Variants in KCNQ5 observed in about 807,000 individuals in gnomAD.
KCNQ5 encodes the protein potassium voltage-gated channel subfamily KQT member 5.
A neutral mutation model predicts 98.2 loss-of-function variants in KCNQ5; 30 were observed. The ratio of observed to expected loss-of-function variants is 0.31; its 90% CI spans 0.23 to 0.41. The LOEUF is 0.41. Ranked by LOEUF, KCNQ5 falls within the 10% of genes least tolerant of loss-of-function variation. The probability of loss-of-function intolerance (pLI) is 1.00; values close to 1 mark genes in which losing one functional copy is unlikely to be tolerated. For synonymous variants in KCNQ5, 458 were observed against 449.4 expected, an observed-to-expected ratio of 1.02 and a Z score of -0.24; for missense variants, 835 against 1,182.5, an observed-to-expected ratio of 0.71 and a Z score of 4.31.
intron 1 of KCNQ5, among the ~76,000 whole-genome samples, chr6:72,774,061 TG>T (rs1773045840): frequency 6.6e-6 from 1 of 151,744 alleles, no homozygotes; most frequent in Non-Finnish European, 1.5e-5. Context: ...GATAGCCTTA[TG>T]GAAAAAAAAA....
At chr6:72,953,668 C>T (rs910241784) in intron 1 of KCNQ5, among the ~76,000 whole-genome samples, 1 of 152,070 alleles carries the variant, frequency 6.6e-6, no homozygotes, top group African/African-American at 2.4e-5. Flanking sequence ...CTGTTTGCAC[C>T]AACTTCAAGA....
intron 1 of KCNQ5, among the ~76,000 whole-genome samples, chr6:72,679,197 A>G (rs554342502): frequency 3.3e-5 from 5 of 152,346 alleles, no homozygotes; most frequent in African/African-American, 1.2e-4. Flanking sequence ...CTTTTAAAGT[A>G]TGAAAGTCAG....
At chr6:72,763,782 C>G (rs577252260) in intron 1 of KCNQ5, among the ~76,000 whole-genome samples, 1 of 151,850 alleles carries the variant, frequency 6.6e-6, no homozygotes, top group South Asian at 2.1e-4. Context: ...GTAATGTTTT[C>G]CAAGTAGTCC....
At chr6:73,064,063 C>T (rs1176227946) in intron 3 of KCNQ5, among the ~76,000 whole-genome samples, 2 of 152,118 alleles carry the variant, frequency 1.3e-5, no homozygotes, top group Non-Finnish European at 2.9e-5. Context: ...AATTCCCATC[C>T]ATAAATGTCC....
chr6:72,855,233 A>C (rs1777477304), intron 1 of KCNQ5, among the ~76,000 whole-genome samples: 1 of 152,138 alleles, frequency 6.6e-6, no homozygotes, highest in African/African-American at 2.4e-5. Context: ...ACGATAAATT[A>C]AAACTATTTG....
intron 1 of KCNQ5, among the ~76,000 whole-genome samples, chr6:72,756,822 TCC>T (rs1377197237): frequency 3.3e-5 from 5 of 152,052 alleles, no homozygotes; most frequent in African/African-American, 1.2e-4. Context: ...TATTTGTCAT[TCC>T]CTATTTATAT....
At chr6:73,071,043 A>C (rs1382312159) in intron 3 of KCNQ5, among the ~76,000 whole-genome samples, 1 of 152,168 alleles carries the variant, frequency 6.6e-6, no homozygotes, top group Non-Finnish European at 1.5e-5. Flanking sequence ...AAATGACATG[A>C]AATCCAGGCA....
In KCNQ5 at chr6:73,194,935, C is replaced by T; in HGVS notation, c.2320C>T (p.Gln774Ter). Residue 774 changes from glutamine to a stop codon, truncating the protein, a stop_gained, in exon 14 of 14, where the codon CAG becomes TAG. Transcript: ENST00000370398. LOFTEE classifies it high-confidence loss of function. ...TCTGCACCCTAACCCTGCAGGCTTA[C>T]AGGAAAGCATTTCTGACGTCACCAC... ...ETLHPNPAGL[Q>*]ESISDVTTCL... 1 of 1,614,200 alleles carries T rather than the reference C, an allele frequency of 6.2e-7. No homozygotes were observed. The highest frequency in any genetic ancestry group is 8.5e-7 in the Non-Finnish European group (1 of 1,180,042).
At chr6:72,868,281 T>A (rs532634580) in intron 1 of KCNQ5, among the ~76,000 whole-genome samples, 48 of 152,334 alleles carry the variant, frequency 3.2e-4, no homozygotes, top group African/African-American at 1.1e-3. Flanking sequence ...ACTGTGTGTG[T>A]TATGTAGACT....
chr6:72,974,385 C>CAAAA (rs201503571), intron 1 of KCNQ5, among the ~76,000 whole-genome samples: 10,522 of 120,152 alleles, frequency 0.088, 739 homozygotes, highest in African/African-American at 0.22. Flanking sequence ...TAACTAGTGG[C>CAAAA]AAAAAAAAAA....
At chr6:72,924,160 C>T (rs1265684129) in intron 1 of KCNQ5, among the ~76,000 whole-genome samples, 4 of 152,080 alleles carry the variant, frequency 2.6e-5, no homozygotes, top group African/African-American at 7.2e-5. Flanking sequence ...ATCTTCTAAT[C>T]ATTACACACC....
Position 73,085,617 on chromosome 6 carries a change from C to A in KCNQ5, c.918+7730C>A, listed in dbSNP as rs149519549. 3.1e-3 allele frequency among the ~76,000 whole-genome samples: 479 copies of A among 152,248 alleles called. 6 individuals carry two copies. The highest frequency in any genetic ancestry group is 0.011 in the African/African-American group (467 of 41,552). ...AGAAAGTGGGCAGGGTCTTTGCTCA[C>A]CCCCAGAGGAACTCCAGAGTGCTGT... On this transcript the variant is annotated intron_variant, in intron 5 of 13. Transcript: ENST00000370398.
intron 3 of KCNQ5, among the ~76,000 whole-genome samples, chr6:73,049,334 C>T (rs1035939956): frequency 2.6e-5 from 4 of 152,122 alleles, no homozygotes; most frequent in Non-Finnish European, 4.4e-5. Context: ...TCAAAGAGCA[C>T]CTTTCTATAA....
chr6:72,829,938 AACAG>A (rs1319533181), intron 1 of KCNQ5, among the ~76,000 whole-genome samples: 3 of 152,160 alleles, frequency 2.0e-5, no homozygotes, highest in Non-Finnish European at 2.9e-5. Flanking sequence ...CCACACCAAT[AACAG>A]ACAAACAGAG....
chr6:72,679,687 A>G lies in KCNQ5; in HGVS notation c.398+57100A>G, dbSNP rs531911694. ...ATGTATACACATGTAACTAACCTGC[A>G]CATTGTACACATGCACCCTAAAACT... On this transcript the variant is annotated intron_variant, in intron 1 of 13. Coordinates refer to ENST00000370398, the MANE Select transcript of KCNQ5 (RefSeq NM_019842.4). Among the ~76,000 whole-genome samples the G allele has an allele frequency of 1.2e-3, 177 of 152,174 alleles. 1 individual carries two copies. Among genetic ancestry groups the G allele is most frequent in the Non-Finnish European group, 2.1e-3 (142 of 67,996 alleles).
At chr6:73,146,687 CAATTA>C (rs1776940270) in intron 10 of KCNQ5, among the ~76,000 whole-genome samples, 1 of 139,260 alleles carries the variant, frequency 7.2e-6, no homozygotes, top group African/African-American at 2.7e-5. Context: ...TTGACTAGTT[CAATTA>C]TACATGTGAG....
chr6:73,117,845 A>G (rs1775570029), intron 7 of KCNQ5, among the ~76,000 whole-genome samples: 4 of 152,184 alleles, frequency 2.6e-5, no homozygotes, highest in Admixed American at 2.6e-4. Context: ...CAGGTATAAT[A>G]TTTGCAAAGA....
chr6:73,050,874 T>C (rs1256305179), intron 3 of KCNQ5, among the ~76,000 whole-genome samples: 5 of 152,260 alleles, frequency 3.3e-5, no homozygotes, highest in African/African-American at 4.8e-5. Context: ...TTACACAGCA[T>C]GATGCTCTTG....
chr6:72,776,656 C>T (rs1773174930), intron 1 of KCNQ5, among the ~76,000 whole-genome samples: 1 of 152,102 alleles, frequency 6.6e-6, no homozygotes, highest in African/African-American at 2.4e-5. Flanking sequence ...GAGACTTGCC[C>T]AAGGTCATAA....
Sources: gnomAD v4.1 joint callset for allele counts (sites outside exome capture counted in the v4.1 genomes callset) on GRCh38, gnomAD v4.1.1 for gene constraint, MANE v1.5 for transcripts, NCBI Gene and HGNC (gene_info 2026-07-23, HGNC 2026-07-21) for gene names.